CEP128: variants seen among roughly 807,000 people sequenced by gnomAD.
CEP128 encodes the protein centrosomal protein 128kDa.
CEP128 carries 132 observed loss-of-function variants against 156.7 expected under a neutral mutation model. The observed-to-expected ratio is 0.84, with a 90% CI of 0.73 to 0.97. The LOEUF (loss-of-function observed/expected upper bound fraction) is 0.97, where lower values mean the gene tolerates loss of function less well. Ranked by LOEUF, CEP128 falls within the 50% of genes least tolerant of loss-of-function variation. The probability of loss-of-function intolerance (pLI) is 0.00; values close to 1 mark genes in which losing one functional copy is unlikely to be tolerated. For synonymous variants in CEP128, 469 were observed against 448.9 expected (o/e 1.04, Z -0.57); for missense variants, 1,252 against 1,281.9 (o/e 0.98, Z 0.36).
intron 13 of CEP128, among the ~76,000 whole-genome samples, chr14:80,795,059 T>A (rs929864275): frequency 6.6e-6 from 1 of 152,198 alleles, no homozygotes; most frequent in African/African-American, 2.4e-5. Context: ...CTGGAGTTAA[T>A]AACTTGCTCA....
intron 2 of CEP128, among the ~76,000 whole-genome samples, chr14:80,929,505 T>A (rs1885335403): frequency 6.6e-6 from 1 of 152,228 alleles, no homozygotes. Context: ...AAGGAAAATG[T>A]GGTATATATG....
intron 23 of CEP128, among the ~76,000 whole-genome samples, chr14:80,505,605 C>T (rs139228137): frequency 1.8e-3 from 278 of 152,292 alleles, no homozygotes; most frequent in African/African-American, 6.2e-3. Flanking sequence ...TCTTCTCACT[C>T]ATTTAATAAA....
chr14:80,710,782 G>A (rs960831527), intron 19 of CEP128, among the ~76,000 whole-genome samples: 2 of 151,710 alleles, frequency 1.3e-5, no homozygotes, highest in Admixed American at 6.6e-5. Flanking sequence ...AAAATCAAAC[G>A]TGATTTTGAA....
intron 21 of CEP128, among the ~76,000 whole-genome samples, chr14:80,557,297 C>T (rs1021591815): frequency 6.6e-5 from 10 of 152,212 alleles, no homozygotes; most frequent in Admixed American, 3.9e-4. Flanking sequence ...AACAAGCAAT[C>T]GTGGTAACGA....
At chr14:80,608,528 G>A (rs558968918) in intron 19 of CEP128, among the ~76,000 whole-genome samples, 1 of 152,074 alleles carries the variant, frequency 6.6e-6, no homozygotes, top group African/African-American at 2.4e-5. Flanking sequence ...CTACATTCCC[G>A]GCAGGACCCA....
intron 2 of CEP128, among the ~76,000 whole-genome samples, chr14:80,931,224 T>C (rs1036339013): frequency 7.9e-5 from 12 of 152,196 alleles, no homozygotes; most frequent in Non-Finnish European, 1.6e-4. Flanking sequence ...ACATTGGTCA[T>C]TTTGTGTTGG....
At chr14:80,687,184 C>G (rs1204328975) in intron 19 of CEP128, among the ~76,000 whole-genome samples, 1 of 152,110 alleles carries the variant, frequency 6.6e-6, no homozygotes, top group Non-Finnish European at 1.5e-5. Flanking sequence ...GTAAAGCACT[C>G]CTCAGCAAAT....
chr14:80,570,083 T>C (rs1288502545), intron 20 of CEP128, among the ~76,000 whole-genome samples: 2 of 152,206 alleles, frequency 1.3e-5, no homozygotes. Context: ...TAAGTTTAAT[T>C]GCCAAAACTG....
intron 19 of CEP128, among the ~76,000 whole-genome samples, chr14:80,692,845 G>A (rs117954077): frequency 0.011 from 1,649 of 152,252 alleles, 19 homozygotes; most frequent in Non-Finnish European, 0.014. Flanking sequence ...TGTTCATGTG[G>A]TGCTGTAGAA....
rs546343595 is a variant in CEP128 at position 80,817,813 on chromosome 14, G to A, written c.1209+13330C>T. Among the ~76,000 whole-genome samples the A allele has an allele frequency of 5.9e-5, 9 of 152,004 alleles. No individual in the cohort carries two copies. The East Asian group carries it at 1.2e-3, about 20-fold the overall frequency. ...GGGGAATCACTTGAACCTGGGAGGCGGAGGTTGCAGTGAGTGGAGATCGCG... is the reference window on the plus strand; with the variant it reads ...GGGGAATCACTTGAACCTGGGAGGCAGAGGTTGCAGTGAGTGGAGATCGCG... On this transcript the variant is annotated intron_variant, in intron 13 of 24. Transcript: ENST00000555265.
At chr14:80,570,276 C>A (rs988762405) in intron 20 of CEP128, among the ~76,000 whole-genome samples, 1 of 152,088 alleles carries the variant, frequency 6.6e-6, no homozygotes, top group Non-Finnish European at 1.5e-5. Flanking sequence ...CATCACCACG[C>A]CCGGCTAATT....
intron 1 of CEP128, chr14:80,959,400 G>C (rs1886900615): frequency 6.6e-6 from 1 of 152,096 alleles, no homozygotes; most frequent in Non-Finnish European, 1.5e-5. Flanking sequence ...CAAAACCAAG[G>C]ATAACAAGAT....
chr14:80,741,731 G>T (rs1898842225), intron 19 of CEP128, among the ~76,000 whole-genome samples: 1 of 152,020 alleles, frequency 6.6e-6, no homozygotes, highest in African/African-American at 2.4e-5. Flanking sequence ...TACTTAATAG[G>T]TAAGTTTCTA....
intron 19 of CEP128, among the ~76,000 whole-genome samples, chr14:80,687,006 C>T (rs968866465): frequency 6.6e-6 from 1 of 151,988 alleles, no homozygotes; most frequent in African/African-American, 2.4e-5. Flanking sequence ...ATTTTAACAC[C>T]CCACTGTCAA....
At chr14:80,573,892 G>C (rs1891249644) in intron 20 of CEP128, among the ~76,000 whole-genome samples, 1 of 152,088 alleles carries the variant, frequency 6.6e-6, no homozygotes, top group Non-Finnish European at 1.5e-5. Context: ...CCACAACACT[G>C]TATTTTGTTT....
intron 16 of CEP128, among the ~76,000 whole-genome samples, chr14:80,771,699 T>G (rs1161057374): frequency 1.3e-5 from 2 of 152,206 alleles, no homozygotes; most frequent in Non-Finnish European, 2.9e-5. Flanking sequence ...TCATTGAAGT[T>G]TTTCTCATCT....
At chr14:80,492,593 A>T (rs950319891), downstream of CEP128, among the ~76,000 whole-genome samples, 2 of 152,220 alleles carry the variant, frequency 1.3e-5, no homozygotes, top group African/African-American at 4.8e-5. Context: ...TAGTATCTCA[A>T]GGACAAAGAG....
intron 14 of CEP128, among the ~76,000 whole-genome samples, chr14:80,479,974 C>T (rs1209411921): frequency 1.3e-5 from 2 of 152,208 alleles, no homozygotes; most frequent in African/African-American, 2.4e-5. Context: ...ACATCCAGGT[C>T]ATGCTGATGC....
intron 9 of CEP128, among the ~76,000 whole-genome samples, chr14:80,862,334 T>C (rs1037467116): frequency 4.6e-5 from 7 of 152,234 alleles, no homozygotes; most frequent in African/African-American, 1.7e-4. Context: ...GGGCCAGCTT[T>C]GACCTGTGAG....
Sources: allele counts gnomAD v4.1 joint callset (sites outside exome capture counted in the v4.1 genomes callset), GRCh38; gene constraint gnomAD v4.1.1; transcripts MANE v1.5; gene names NCBI Gene and HGNC (gene_info 2026-07-23, HGNC 2026-07-21).